The following EBF2 variants were observed in gnomAD, a reference collection of about 807,000 sequenced individuals.
The protein encoded by EBF2 is transcription factor COE2.
In EBF2, 21 loss-of-function variants were observed where a neutral mutation model predicts 72.8. The ratio of observed to expected loss-of-function variants is 0.29; its 90% CI spans 0.20 to 0.42. The LOEUF is 0.42. Among genes scored for constraint, EBF2 ranks in the 10% least tolerant of loss-of-function variants. The pLI, the probability that EBF2 is intolerant of heterozygous loss-of-function variation, is 1.00. For missense variants in EBF2, 637 were observed against 731.2 expected, an observed-to-expected ratio of 0.87 and a Z score of 1.49; for synonymous variants, 299 against 274.2, an observed-to-expected ratio of 1.09 and a Z score of -0.89.
At chr8:25,994,486 T>G (rs1377043081) in intron 6 of EBF2, among the ~76,000 whole-genome samples, 1 of 152,304 alleles carries the variant, frequency 6.6e-6, no homozygotes, top group East Asian at 1.9e-4. Flanking sequence ...CACTTGGACA[T>G]GTATGTTCAC....
chr8:25,926,422 T>G (rs1803388589), intron 6 of EBF2, among the ~76,000 whole-genome samples: 1 of 152,150 alleles, frequency 6.6e-6, no homozygotes, highest in African/African-American at 2.4e-5. Flanking sequence ...AAACTATTGC[T>G]TAGATGAGAT....
At chr8:25,892,630 T>C (rs1802804284) in intron 7 of EBF2, among the ~76,000 whole-genome samples, 1 of 152,212 alleles carries the variant, frequency 6.6e-6, no homozygotes, top group Non-Finnish European at 1.5e-5. Flanking sequence ...TTTAGCATAA[T>C]AGGTTTGGGA....
At chr8:25,871,961 TA>T (rs1291547124) in intron 10 of EBF2, among the ~76,000 whole-genome samples, 4,444 of 144,604 alleles carry the variant, frequency 0.031, 180 homozygotes, top group African/African-American at 0.096. Flanking sequence ...AACCACTCTT[TA>T]AAAAAAAAAA....
intron 6 of EBF2, among the ~76,000 whole-genome samples, chr8:25,986,419 C>T (rs1056047956): frequency 6.6e-6 from 1 of 152,150 alleles, no homozygotes. Context: ...TAAGTGCCCC[C>T]AAACTGTCAC....
chr8:26,008,621 G>A (rs1051696527), intron 6 of EBF2, among the ~76,000 whole-genome samples: 7 of 152,268 alleles, frequency 4.6e-5, no homozygotes, highest in African/African-American at 1.7e-4. Flanking sequence ...GCAGTTAGAA[G>A]AATTAAGGCT....
intron 7 of EBF2, among the ~76,000 whole-genome samples, chr8:25,900,803 TAAAA>T (rs546155076): frequency 7.7e-6 from 1 of 129,980 alleles, no homozygotes; most frequent in Non-Finnish European, 1.6e-5. Flanking sequence ...AAATAAAAAA[TAAAA>T]AAAGTGAGAA....
At chr8:26,010,143 G>A (rs1804952805) in intron 6 of EBF2, among the ~76,000 whole-genome samples, 1 of 152,200 alleles carries the variant, frequency 6.6e-6, no homozygotes, top group African/African-American at 2.4e-5. Context: ...TCCTATCTGG[G>A]CTGGTACAAA....
intron 10 of EBF2, among the ~76,000 whole-genome samples, chr8:25,876,553 C>G (rs568754762): frequency 1.3e-5 from 2 of 152,268 alleles, no homozygotes; most frequent in African/African-American, 2.4e-5. Flanking sequence ...TCTGAGACCC[C>G]CTTCATGCTC....
intron 6 of EBF2, among the ~76,000 whole-genome samples, chr8:26,004,673 CAAAAAAAAAAAAAAA>C (rs56848916): frequency 6.6e-5 from 3 of 45,446 alleles, no homozygotes; most frequent in East Asian, 6.6e-4. Flanking sequence ...AGACTGTCTC[CAAAAAAAAAAAAAAA>C]AAAAAAAAAA....
At chr8:25,991,088 G>A (rs920364053) in intron 6 of EBF2, among the ~76,000 whole-genome samples, 6 of 151,806 alleles carry the variant, frequency 4.0e-5, no homozygotes, top group African/African-American at 1.5e-4. Context: ...GCAATTTCTT[G>A]CAAAACTCGA....
chr8:26,006,712 G>A (rs1158046806), intron 6 of EBF2, among the ~76,000 whole-genome samples: 1 of 152,160 alleles, frequency 6.6e-6, no homozygotes, highest in Non-Finnish European at 1.5e-5. Context: ...TGGCTATAGT[G>A]AGACAGGGCA....
chr8:25,859,074 T>TAATA (rs1802159158), intron 13 of EBF2, among the ~76,000 whole-genome samples: 1 of 152,136 alleles, frequency 6.6e-6, no homozygotes. Flanking sequence ...AGCGAATGGC[T>TAATA]AATAGCAGTG....
intron 6 of EBF2, among the ~76,000 whole-genome samples, chr8:25,922,716 T>C (rs1585196596): frequency 6.6e-6 from 1 of 152,020 alleles, no homozygotes. Flanking sequence ...TTGAAAGGAG[T>C]GCTGATAAAC....
At chr8:26,017,174 C>A (rs940354620) in intron 6 of EBF2, among the ~76,000 whole-genome samples, 1 of 150,094 alleles carries the variant, frequency 6.7e-6, no homozygotes, top group African/African-American at 2.5e-5. Context: ...AAAAAAGACT[C>A]AAAGGGAAAA....
intron 6 of EBF2, among the ~76,000 whole-genome samples, chr8:25,948,466 C>A (rs950356480): frequency 2.6e-5 from 4 of 152,180 alleles, no homozygotes; most frequent in African/African-American, 9.7e-5. Flanking sequence ...GGGATGGGCC[C>A]AGAGTCCCAC....
intron 3 of EBF2, 51 bp downstream of exon 3, chr8:26,040,888 C>T (rs763850607): frequency 6.2e-7 from 1 of 1,611,728 alleles, no homozygotes; most frequent in Non-Finnish European, 8.5e-7. Context: ...CGCGTGCGGC[C>T]CGGAAGCCGG....
chr8:25,913,286 C>T lies in EBF2; in HGVS notation c.552-4731G>A, dbSNP rs866752999. On this transcript the variant is annotated intron_variant, in intron 6 of 15. Transcript: ENST00000520164. ...TGAAGCCCCATCTCTACTAAAAATA[C>T]AAAAATCAGCTGGGCGTGGTGGCAT... 2.0e-5 allele frequency among the ~76,000 whole-genome samples: 3 copies of T among 151,944 alleles called. 1 individual carries two copies. In the Middle Eastern group the frequency reaches 9.5e-3, roughly 481 times the overall value.
At chr8:26,017,871 A>G (rs117470472) in intron 6 of EBF2, among the ~76,000 whole-genome samples, 2,090 of 152,266 alleles carry the variant, frequency 0.014, 39 homozygotes, top group Non-Finnish European at 0.015. Flanking sequence ...AACGCCCTCA[A>G]TGAGCATCCT....
chr8:25,931,316 A>T (rs1320099667), intron 6 of EBF2, among the ~76,000 whole-genome samples: 2 of 152,212 alleles, frequency 1.3e-5, no homozygotes, highest in Non-Finnish European at 2.9e-5. Flanking sequence ...AAAATTTAAT[A>T]TTAATATAAG....
Sources: gnomAD v4.1 joint callset for allele counts (sites outside exome capture counted in the v4.1 genomes callset) on GRCh38, gnomAD v4.1.1 for gene constraint, MANE v1.5 for transcripts, NCBI Gene and HGNC (gene_info 2026-07-23, HGNC 2026-07-21) for gene names.